The following FBXL13 variants were observed in gnomAD, a reference collection of about 807,000 sequenced individuals.
FBXL13 encodes the protein F-box and leucine rich repeat protein 13, also known as F-box and leucine-rich repeat protein 13.
Under a neutral mutation model 83.6 loss-of-function variants are expected in FBXL13, and 67 were observed. That is an observed-to-expected ratio of 0.80 (90% CI 0.66 to 0.98). FBXL13 has a LOEUF of 0.98. FBXL13 is among the 50% of genes least tolerant of loss of function. The probability of loss-of-function intolerance (pLI) is 0.00; values close to 1 mark genes in which losing one functional copy is unlikely to be tolerated. For synonymous variants in FBXL13, 272 were observed against 299.5 expected, an observed-to-expected ratio of 0.91 and a Z score of 0.95; for missense variants, 822 against 866.5, an observed-to-expected ratio of 0.95 and a Z score of 0.64.
chr7:102,883,827 CCAT>C, intron 12 of FBXL13, 142 bp from the exon 14 acceptor site: 1 of 590,550 alleles, frequency 1.7e-6, no homozygotes, highest in South Asian at 2.4e-5. Context: ...CTGGATTTTT[CCAT>C]ACATTTTAAT....
chr7:102,913,039 G>C, intron 11 of FBXL13, 47 bp downstream of exon 12: 1 of 1,613,142 alleles, frequency 6.2e-7, no homozygotes, highest in Non-Finnish European at 8.5e-7. Context: ...CCATTCTCTG[G>C]AGAACTTCCT....
intron 11 of FBXL13, among the ~76,000 whole-genome samples, chr7:102,894,451 T>C (rs1812001499): frequency 6.6e-6 from 1 of 152,056 alleles, no homozygotes; most frequent in African/African-American, 2.4e-5. Context: ...AGAGTGCACA[T>C]GGTGACTCAT....
rs529281452 is a variant in FBXL13, at chr7:103,010,656, G to T, written c.495+14407C>A. 3.9e-5 allele frequency among the ~76,000 whole-genome samples: 6 copies of T among 151,998 alleles called. No homozygotes were observed. The East Asian group carries it at 1.2e-3, about 30-fold the overall frequency. On this transcript the variant is annotated intron_variant, in intron 6 of 19. Transcript: ENST00000313221. ...CCCTGTGGAGAGTATGAATCCCCCTGGGGGCACCCACCCACTCACTCTTTC... is the reference window on the plus strand; with the variant it reads ...CCCTGTGGAGAGTATGAATCCCCCTTGGGGCACCCACCCACTCACTCTTTC...
At chr7:102,813,573 C>A in intron 19 of FBXL13, 42 bp from the exon 21 acceptor site, 2 of 1,576,944 alleles carry the variant, frequency 1.3e-6, no homozygotes, top group Non-Finnish European at 1.7e-6. Flanking sequence ...GCAGAAGTAA[C>A]CCCTAGTGCA....
At chr7:102,836,891 A>C (rs1026786976) in intron 17 of FBXL13, among the ~76,000 whole-genome samples, 6 of 152,362 alleles carry the variant, frequency 3.9e-5, no homozygotes, top group Middle Eastern at 3.4e-3. Flanking sequence ...TTGCATACTC[A>C]TAACACCATC....
rs534853361 is a variant in FBXL13 at position 102,918,740 on chromosome 7, G to A, written c.879-5525C>T. ...ACACTATGTAGCTGGGTGTAGCCTG[G>A]GTGAAAGAGCAAGGCCCTGTCTATA... On this transcript the variant is annotated intron_variant, in intron 10 of 19. Coordinates refer to ENST00000313221, the Ensembl canonical transcript of FBXL13. 3.5e-3 allele frequency among the ~76,000 whole-genome samples: 536 copies of A among 152,154 alleles called. 5 individuals carry two copies. The highest frequency in any genetic ancestry group is 2.5e-3 in the Non-Finnish European group (170 of 68,002).
chr7:103,015,581 T>C (rs1004392467), intron 6 of FBXL13, among the ~76,000 whole-genome samples: 1 of 152,104 alleles, frequency 6.6e-6, no homozygotes, highest in African/African-American at 2.4e-5. Context: ...GTAGATCACT[T>C]GAGACCAGGA....
chr7:103,019,909 G>C (rs1792920018), intron 6 of FBXL13, among the ~76,000 whole-genome samples: 1 of 152,118 alleles, frequency 6.6e-6, no homozygotes. Context: ...GGAGGAGCTG[G>C]TACCATTCCT....
intron 2 of FBXL13, among the ~76,000 whole-genome samples, chr7:103,036,562 C>T (rs958581874): frequency 6.6e-6 from 1 of 151,934 alleles, no homozygotes; most frequent in Non-Finnish European, 1.5e-5. Flanking sequence ...AATCTGTCAC[C>T]CAGACTGGAG....
intron 16 of FBXL13, chr7:102,857,336 A>G (rs920561818): frequency 1.2e-4 from 18 of 152,268 alleles, no homozygotes; most frequent in African/African-American, 3.6e-4. Flanking sequence ...GTCATACAAC[A>G]AAGGACTAAC....
intron 14 of FBXL13, among the ~76,000 whole-genome samples, chr7:102,878,772 T>C (rs1345293173): frequency 4.6e-5 from 7 of 152,172 alleles, no homozygotes; most frequent in African/African-American, 1.7e-4. Context: ...CCTGATACCA[T>C]TTCCTGCAAA....
At position 102,854,819 on chromosome 7, in the gene FBXL13, A is replaced by C. The variant is rs374895667; in HGVS notation, c.1677T>G (p.Leu559=). 4 of 1,592,768 alleles carry C rather than the reference A, an allele frequency of 2.5e-6. No homozygotes were observed. In the African/African-American group the frequency reaches 5.4e-5, roughly 21 times the overall value. ...TGATTCTATAACATTCAGATACAGA[A>C]AGTTCCTTCAATTTTTTATGTCTGG... The change falls in exon 17 of 20, where the codon CTT becomes CTG. Residue 559 remains leucine, a synonymous_variant. Coordinates refer to ENST00000313221, the Ensembl canonical transcript of FBXL13.
chr7:102,968,123 C>A lies in FBXL13; in HGVS notation c.496-6G>T, dbSNP rs747389379. 3.8e-6 allele frequency: 6 copies of A among 1,591,884 alleles called. No homozygotes were observed. Among genetic ancestry groups the A allele is most frequent in the Non-Finnish European group, 5.2e-6 (6 of 1,161,850 alleles). ...AAACTGAGGTAGAAGAAAATCTAAA[C>A]ACAAAGAAAAATACACAACTTTGAA... On this transcript the variant is annotated splice_polypyrimidine_tract_variant and splice_region_variant and intron_variant, in intron 6 of 19. Coordinates refer to ENST00000313221, the Ensembl canonical transcript of FBXL13.
intron 8 of FBXL13, among the ~76,000 whole-genome samples, chr7:102,937,239 C>G (rs1820494829): frequency 6.6e-6 from 1 of 151,928 alleles, no homozygotes; most frequent in South Asian, 2.1e-4. Flanking sequence ...GTGGCTCACG[C>G]CTATAATCCC....
intron 8 of FBXL13, among the ~76,000 whole-genome samples, chr7:102,951,518 C>T (rs558521941): frequency 3.3e-5 from 5 of 151,158 alleles, no homozygotes; most frequent in Non-Finnish European, 7.4e-5. Flanking sequence ...ATAATAAAGA[C>T]TGAAGTGGGC....
At chr7:102,970,121 C>T (rs1826460901) in intron 6 of FBXL13, among the ~76,000 whole-genome samples, 1 of 151,950 alleles carries the variant, frequency 6.6e-6, no homozygotes, top group Non-Finnish European at 1.5e-5. Flanking sequence ...TATGGTGGTG[C>T]ACACCTATAG....
At chr7:103,013,114 G>A (rs565509313) in intron 6 of FBXL13, among the ~76,000 whole-genome samples, 13 of 152,170 alleles carry the variant, frequency 8.5e-5, no homozygotes, top group South Asian at 2.1e-4. Context: ...ATATCTATGC[G>A]CTCAACCCAG....
At chr7:103,074,759 T>C, upstream of FBXL13, 4 of 1,289,740 alleles carry the variant, frequency 3.1e-6, no homozygotes, top group Non-Finnish European at 4.0e-6. Flanking sequence ...TGGCATTGCG[T>C]AGCGAGGCCA....
rs551059159 is a variant in FBXL13, at chr7:103,023,294, C to T, written c.495+1769G>A. Among the ~76,000 whole-genome samples, 11 of 151,620 alleles carry T rather than the reference C, an allele frequency of 7.3e-5. No individual in the cohort carries two copies. The South Asian group carries it at 2.3e-3, about 32-fold the overall frequency. ...CCGTCTCAAACAAAACAAAACAAAA[C>T]AGAACAAAACAAAAAAAAATACCAT... is the stretch of plus-strand genomic sequence containing the variant. On this transcript the variant is annotated intron_variant, in intron 6 of 19. Coordinates refer to ENST00000313221, the Ensembl canonical transcript of FBXL13.
Sources: gnomAD v4.1 joint callset for allele counts (sites outside exome capture counted in the v4.1 genomes callset) on GRCh38, gnomAD v4.1.1 for gene constraint, MANE v1.5 for transcripts, NCBI Gene and HGNC (gene_info 2026-07-23, HGNC 2026-07-21) for gene names.